Variants in MAGI1 observed in about 807,000 individuals in gnomAD.
MAGI1 encodes the protein membrane-associated guanylate kinase, WW and PDZ domain-containing protein 1.
A neutral mutation model predicts 139.9 loss-of-function variants in MAGI1; 58 were observed. The observed-to-expected ratio is 0.41, with a 90% CI of 0.34 to 0.52. The LOEUF is 0.52. Ranked by LOEUF, MAGI1 falls within the 20% of genes least tolerant of loss-of-function variation. The pLI, the probability that MAGI1 is intolerant of heterozygous loss-of-function variation, is 0.12. For missense variants in MAGI1, 1,874 were observed against 1,901.6 expected, an observed-to-expected ratio of 0.99 and a Z score of 0.27; for synonymous variants, 812 against 737.9, an observed-to-expected ratio of 1.10 and a Z score of -1.63.
chr3:65,518,060 C>T lies in MAGI1; in HGVS notation c.431-24429G>A, dbSNP rs77290018. ...TGTCTCATTACTGTTGAATCCTAAG[C>T]ACCTGGAGTAGTATCTGGTCCATAT... On this transcript the variant is annotated intron_variant, in intron 2 of 22. Transcript: ENST00000402939. Among the ~76,000 whole-genome samples, 551 of 152,274 alleles carry T rather than the reference C, an allele frequency of 3.6e-3. 2 individuals are homozygous for T. The highest frequency in any genetic ancestry group is 0.012 in the African/African-American group (514 of 41,552).
chr3:65,868,495 C>A lies in MAGI1; in HGVS notation c.313+169501G>T, dbSNP rs892552498. Among the ~76,000 whole-genome samples the A allele has an allele frequency of 2.0e-5, 3 of 152,304 alleles. No homozygotes were observed. The South Asian group carries it at 6.2e-4, about 32-fold the overall frequency. On this transcript the variant is annotated intron_variant, in intron 1 of 22. Coordinates refer to ENST00000402939, the MANE Select transcript of MAGI1 (RefSeq NM_001033057.2). ...TTCACCACATAACCTTCTAGACAGACTCCCTGCACCCTGGAAAAATGCCTT... is the reference window on the plus strand; with the variant it reads ...TTCACCACATAACCTTCTAGACAGAATCCCTGCACCCTGGAAAAATGCCTT...
At chr3:65,973,264 G>T (rs961545406) in intron 1 of MAGI1, among the ~76,000 whole-genome samples, 1 of 152,148 alleles carries the variant, frequency 6.6e-6, no homozygotes, top group African/African-American at 2.4e-5. Flanking sequence ...TTTCCTAACA[G>T]TCACCAAAAT....
chr3:65,812,672 A>G (rs1019654266), intron 1 of MAGI1, among the ~76,000 whole-genome samples: 1 of 150,128 alleles, frequency 6.7e-6, no homozygotes, highest in African/African-American at 2.5e-5. Context: ...AATCAATGAT[A>G]TAAACTGACT....
At chr3:65,961,116 G>C (rs1385456496) in intron 1 of MAGI1, among the ~76,000 whole-genome samples, 1 of 152,186 alleles carries the variant, frequency 6.6e-6, no homozygotes, top group Non-Finnish European at 1.5e-5. Flanking sequence ...TTCATCTAGG[G>C]ATAAGAGGGG....
intron 1 of MAGI1, among the ~76,000 whole-genome samples, chr3:65,662,302 T>G (rs574959153): frequency 1.6e-4 from 24 of 152,240 alleles, no homozygotes; most frequent in Non-Finnish European, 3.2e-4. Context: ...GGCCTGGGTT[T>G]AAATGAAAAT....
At chr3:65,709,614 G>A (rs1384739119) in intron 1 of MAGI1, among the ~76,000 whole-genome samples, 1 of 152,174 alleles carries the variant, frequency 6.6e-6, no homozygotes, top group Non-Finnish European at 1.5e-5. Context: ...TTGCCAACAT[G>A]AGCTTCTAGC....
At chr3:65,492,170 A>G (rs1024329862) in intron 3 of MAGI1, among the ~76,000 whole-genome samples, 20 of 152,276 alleles carry the variant, frequency 1.3e-4, no homozygotes, top group Non-Finnish European at 4.4e-5. Flanking sequence ...AGATACACAT[A>G]ATAACTTGAC....
At chr3:65,390,288 C>A (rs771708693) in intron 14 of MAGI1, among the ~76,000 whole-genome samples, 1 of 152,126 alleles carries the variant, frequency 6.6e-6, no homozygotes, top group Non-Finnish European at 1.5e-5. Context: ...GAATCTCCAC[C>A]ATCACAACAC....
intron 12 of MAGI1, among the ~76,000 whole-genome samples, chr3:65,410,095 T>G (rs1253486033): frequency 6.6e-6 from 1 of 152,166 alleles, no homozygotes; most frequent in African/African-American, 2.4e-5. Context: ...CATAAATACC[T>G]TGGACTGCTC....
At chr3:65,406,830 G>C (rs778400343) in intron 12 of MAGI1, among the ~76,000 whole-genome samples, 2 of 152,042 alleles carry the variant, frequency 1.3e-5, no homozygotes, top group Non-Finnish European at 2.9e-5. Context: ...GAGGGGGAGA[G>C]AGACAGAGAG....
At position 65,551,106 on chromosome 3, in the gene MAGI1, C is replaced by T. The variant is rs538950029; in HGVS notation, c.431-57475G>A. ...GAGACAGGTAACTGGATCATGGGGGCGATTTCTGCCATGCTGTTCTCATGA... is the reference window on the plus strand; with the variant it reads ...GAGACAGGTAACTGGATCATGGGGGTGATTTCTGCCATGCTGTTCTCATGA... On this transcript the variant is annotated intron_variant, in intron 2 of 22. Coordinates refer to ENST00000402939, the MANE Select transcript of MAGI1 (RefSeq NM_001033057.2). Among the ~76,000 whole-genome samples the T allele has an allele frequency of 3.9e-5, 6 of 152,156 alleles. No individual in the cohort carries two copies. In the South Asian group the frequency reaches 1.0e-3, roughly 26 times the overall value.
chr3:65,478,490 A>G, intron 4 of MAGI1, 102 bp downstream of exon 4: 9 of 1,184,822 alleles, frequency 7.6e-6, no homozygotes, highest in Middle Eastern at 2.8e-4. Context: ...GCGACTCTAC[A>G]AAATCCCTCC....
intron 2 of MAGI1, among the ~76,000 whole-genome samples, chr3:65,515,257 T>C (rs1313339105): frequency 7.1e-6 from 1 of 140,372 alleles, no homozygotes; most frequent in Non-Finnish European, 1.6e-5. Context: ...CATGTATACA[T>C]ATGTAACTAA....
At chr3:65,688,421 G>A in intron 1 of MAGI1, 1 of 525,096 alleles carries the variant, frequency 1.9e-6, no homozygotes, top group East Asian at 4.5e-5. Context: ...GAAGACAGAA[G>A]AACCACCTCA....
Position 65,632,630 on chromosome 3 carries a change from A to C in MAGI1, c.314-10542T>G, listed in dbSNP as rs145723942. Among the ~76,000 whole-genome samples the C allele has an allele frequency of 1.2e-4, 19 of 152,344 alleles. No individual in the cohort carries two copies. In the East Asian group the frequency reaches 3.7e-3, roughly 29 times the overall value. ...AGCAAAATATTTCCATAAAAAGCTAAGATAACTATTTTCCAGCCTTGAGAG... is the reference window on the plus strand; with the variant it reads ...AGCAAAATATTTCCATAAAAAGCTACGATAACTATTTTCCAGCCTTGAGAG... On this transcript the variant is annotated intron_variant, in intron 1 of 22. Transcript: ENST00000402939.
At chr3:65,829,546 T>G (rs2042412873) in intron 1 of MAGI1, among the ~76,000 whole-genome samples, 1 of 152,232 alleles carries the variant, frequency 6.6e-6, no homozygotes, top group South Asian at 2.1e-4. Context: ...TGCCTTGATC[T>G]TGGACTTCCC....
rs74943912 is a variant in MAGI1 at position 65,671,421 on chromosome 3, C to A, written c.314-49333G>T. 6.9e-3 allele frequency among the ~76,000 whole-genome samples: 1,048 copies of A among 152,252 alleles called. 9 individuals carry two copies. Among genetic ancestry groups the A allele is most frequent in the African/African-American group, 0.024 (1,013 of 41,548 alleles). ...CAATTAAAAATGTCTCCCATAGGAACCAACTCACCCAAATGAGCTGGCCAA... is the reference window on the plus strand; with the variant it reads ...CAATTAAAAATGTCTCCCATAGGAAACAACTCACCCAAATGAGCTGGCCAA... On this transcript the variant is annotated intron_variant, in intron 1 of 22. Transcript: ENST00000402939.
intron 5 of MAGI1, among the ~76,000 whole-genome samples, chr3:65,465,323 AT>A (rs1950098737): frequency 6.7e-6 from 1 of 149,560 alleles, no homozygotes; most frequent in Non-Finnish European, 1.5e-5. Context: ...TCTTTTCCTC[AT>A]TGTTTTTGTT....
At chr3:65,461,639 C>T (rs1240748044) in intron 5 of MAGI1, among the ~76,000 whole-genome samples, 1 of 151,912 alleles carries the variant, frequency 6.6e-6, no homozygotes, top group Non-Finnish European at 1.5e-5. Flanking sequence ...CAGGCGCCCG[C>T]CACCACGCCT....
Sources: allele counts gnomAD v4.1 joint callset (sites outside exome capture counted in the v4.1 genomes callset), GRCh38; gene constraint gnomAD v4.1.1; transcripts MANE v1.5; gene names NCBI Gene and HGNC (gene_info 2026-07-23, HGNC 2026-07-21).